Variants in IFT172 observed in about 807,000 individuals in gnomAD.
The protein encoded by IFT172 is intraflagellar transport protein 172 homolog.
In IFT172, 164 loss-of-function variants were observed where a neutral mutation model predicts 248.9. That is an observed-to-expected ratio of 0.66 (90% CI 0.58 to 0.75). IFT172 has a LOEUF of 0.75. Ranked by LOEUF, IFT172 falls within the 30% of genes least tolerant of loss-of-function variation. The probability of loss-of-function intolerance (pLI) is 0.00; values close to 1 mark genes in which losing one functional copy is unlikely to be tolerated. For synonymous variants in IFT172, 729 were observed against 791.6 expected, an observed-to-expected ratio of 0.92 and a Z score of 1.33; for missense variants, 1,950 against 2,192.4, an observed-to-expected ratio of 0.89 and a Z score of 2.21.
At position 27,484,409 on chromosome 2, in the gene IFT172, G is replaced by A. The variant is rs1668599482; in HGVS notation, c.297-143C>T. 3 of 734,694 alleles carry A rather than the reference G, an allele frequency of 4.1e-6. No homozygotes were observed. The South Asian group carries it at 4.7e-5, about 12-fold the overall frequency. 45.5% of individuals were successfully genotyped at this position (734,694 alleles called of 1,614,324 possible). ...GATCGAGACCATCCTGGCTAACACA[G>A]TGAAACCCCGTCTCTACTAAAAATA... On this transcript the variant is annotated intron_variant, in intron 3 of 47. Coordinates refer to ENST00000260570, the MANE Select transcript of IFT172 (RefSeq NM_015662.3).
rs371208266 is a variant in IFT172, at chr2:27,453,969, T to A, written c.3711+13A>T. On this transcript the variant is annotated intron_variant, in intron 33 of 47. Coordinates refer to ENST00000260570, the MANE Select transcript of IFT172 (RefSeq NM_015662.3). Reference sequence around the variant, plus strand: ...CTCCCCCTCCCCTCATGGCCCTGCATCCAGTGCCCCACCTTATAATAATTG... The same window carrying A: ...CTCCCCCTCCCCTCATGGCCCTGCAACCAGTGCCCCACCTTATAATAATTG... The A allele has an allele frequency of 7.2e-4, 1,152 of 1,606,254 alleles. 1 individual carries two copies. Among genetic ancestry groups the A allele is most frequent in the Non-Finnish European group, 9.3e-4 (1,100 of 1,178,056 alleles).
rs772733815 is a variant in IFT172, at chr2:27,456,633, C to A, written c.3249G>T (p.Gly1083=). The change falls in exon 30 of 48, where the codon GGG becomes GGT. Residue 1083 remains glycine, a synonymous_variant. Coordinates refer to ENST00000260570, the MANE Select transcript of IFT172 (RefSeq NM_015662.3). The part of the protein sequence containing the change: ...EAYRVARTQG[G]ANAHKHVAYL... ...AGGCCACGTGTTTGTGGGCATTAGC[C>A]CCTCCTTGAGTTCTGGCCACCTGTA... 2 of 1,613,886 alleles carry A rather than the reference C, an allele frequency of 1.2e-6. No individual in the cohort carries two copies. Among genetic ancestry groups the A allele is most frequent in the East Asian group, 2.2e-5 (1 of 44,890 alleles).
At chr2:27,448,885 A>G (rs370036494) in intron 40 of IFT172, 30 bp downstream of exon 40, 209 of 1,046,520 alleles carry the variant, frequency 2.0e-4, no homozygotes, top group Non-Finnish European at 2.8e-4. Flanking sequence ...TTTCTTGTGG[A>G]AACATTCAAC....
chr2:27,452,075 T>C (rs1465061159), intron 35 of IFT172, among the ~76,000 whole-genome samples: 1 of 152,118 alleles, frequency 6.6e-6, no homozygotes, highest in Non-Finnish European at 1.5e-5. Flanking sequence ...AACATTATTC[T>C]GGGTGTTTCT....
chr2:27,468,621 G>A (rs1240314412), intron 16 of IFT172, among the ~76,000 whole-genome samples: 1 of 151,612 alleles, frequency 6.6e-6, no homozygotes, highest in East Asian at 2.0e-4. Flanking sequence ...ATGCTGAGGC[G>A]GGCAGATCAC....
chr2:27,464,048 T>C (rs940099027), intron 18 of IFT172, among the ~76,000 whole-genome samples: 5 of 152,182 alleles, frequency 3.3e-5, no homozygotes, highest in African/African-American at 7.2e-5. Flanking sequence ...GATGAATAGA[T>C]GGTAGGGGTA....
rs764523112 is a variant in IFT172, at chr2:27,456,520, G to A, written c.3362C>T (p.Ala1121Val). ...GLLEAAVDHA[A>V]DNCSFEFAFE... Reference sequence around the variant, plus strand: ...AAGCTTGGGGCCTCACCAATTGTCTGCAGCGTGGTCAACAGCAGCTTCCAG... The same window carrying A: ...AAGCTTGGGGCCTCACCAATTGTCTACAGCGTGGTCAACAGCAGCTTCCAG... Residue 1121 changes from alanine to valine, a missense_variant, in exon 30 of 48, where the codon GCA becomes GTA. Ala to Val is a moderately conservative substitution (Grantham distance 64, BLOSUM62 0). This residue lies in a region of IFT172 where 164 missense variants were observed against 239.3 expected (regional missense o/e 0.69). Coordinates refer to ENST00000260570, the MANE Select transcript of IFT172 (RefSeq NM_015662.3). 3 of 1,613,304 alleles carry A rather than the reference G, an allele frequency of 1.9e-6. No homozygotes were observed. The highest frequency in any genetic ancestry group is 2.7e-5 in the African/African-American group (2 of 74,904).
chr2:27,445,427 C>G lies in IFT172; in HGVS notation c.4937G>C (p.Arg1646Pro). The G allele has an allele frequency of 6.2e-6, 10 of 1,611,522 alleles. No individual in the cohort carries two copies. The highest frequency in any genetic ancestry group is 8.5e-6 in the Non-Finnish European group (10 of 1,178,998). Residue 1646 changes from arginine to proline, a missense_variant, in exon 46 of 48, where the codon CGA (arginine) becomes CCA (proline). Arg to Pro is a moderately radical substitution (Grantham distance 103). Transcript: ENST00000260570. This position sits in a 1 kb window ranked among gnomAD's most constrained non-coding sequence, Gnocchi z 4.4. ...HVPEAEREEVRDWVLTVSMDQ... is the reference protein window; with the variant it reads ...HVPEAEREEVPDWVLTVSMDQ... Reference sequence around the variant, plus strand: ...CATGGAGACTGTAAGCACCCAGTCTCGAACCTCTTCTCTCTCAGCCTCCTG... The same window carrying G: ...CATGGAGACTGTAAGCACCCAGTCTGGAACCTCTTCTCTCTCAGCCTCCTG...
rs1667069283 is a variant in IFT172 at position 27,466,027 on chromosome 2, C to T, written c.1693-145G>A. ...ATTTTCCTAACATTTTAGTTTCTCT[C>T]AAGCATAAAAAAATACTTCATTTAT... On this transcript the variant is annotated intron_variant, in intron 16 of 47. Coordinates refer to ENST00000260570, the MANE Select transcript of IFT172 (RefSeq NM_015662.3). 3 of 911,202 alleles carry T rather than the reference C, an allele frequency of 3.3e-6. No homozygotes were observed. The South Asian group carries it at 4.8e-5, about 15-fold the overall frequency. 56.4% of individuals were successfully genotyped at this position (911,202 alleles called of 1,614,324 possible).
chr2:27,465,957 C>T (rs556262025), intron 16 of IFT172, 75 bp from the exon 17 acceptor site: 44 of 1,546,310 alleles, frequency 2.8e-5, no homozygotes, highest in Non-Finnish European at 3.9e-5. Flanking sequence ...AAAGACCCAC[C>T]CTCATCCGAC....
chr2:27,455,786 C>A, intron 30 of IFT172: 1 of 477,838 alleles, frequency 2.1e-6, no homozygotes, highest in Non-Finnish European at 4.0e-6. Flanking sequence ...GTACTGACAA[C>A]CTCAGTTGGC....
Position 27,454,508 on chromosome 2 carries a change from A to G in IFT172, c.3465+59T>C. 3 of 1,605,644 alleles carry G rather than the reference A, an allele frequency of 1.9e-6. No individual in the cohort carries two copies. In the South Asian group the frequency reaches 3.3e-5, roughly 18 times the overall value. ...ACTGGGGGTCTGCACACCCAGCAGC[A>G]GTGCACTAGGGGATGGAATAAGAGG... On this transcript the variant is annotated intron_variant, in intron 31 of 47. Transcript: ENST00000260570. This position sits in a 1 kb window ranked among gnomAD's most constrained non-coding sequence, Gnocchi z 4.2.
chr2:27,454,441 G>A lies in IFT172; in HGVS notation c.3466-23C>T, dbSNP rs370360987. 61 of 1,614,126 alleles carry A rather than the reference G, an allele frequency of 3.8e-5. No individual in the cohort carries two copies. Among genetic ancestry groups the A allele is most frequent in the East Asian group, 1.8e-4 (8 of 44,880 alleles). ...ACCCTACAGGGAGAGAAAGGCAGCC[G>A]TGCATGATGAGAAGGAGACTGGCAT... On this transcript the variant is annotated intron_variant, in intron 31 of 47. Transcript: ENST00000260570. The surrounding 1 kb of genome is among the most constrained non-coding windows in gnomAD (Gnocchi z 4.2).
At chr2:27,446,023 A>G in intron 43 of IFT172, 35 bp from the exon 44 acceptor site, 1 of 1,613,156 alleles carries the variant, frequency 6.2e-7, no homozygotes, top group African/African-American at 1.3e-5. Context: ...GGGAGTGAAC[A>G]AGCTGGGTTT....
At chr2:27,476,848 G>A (rs1433045222) in intron 13 of IFT172, 122 bp from the exon 14 acceptor site, 1 of 653,096 alleles carries the variant, frequency 1.5e-6, no homozygotes, top group Non-Finnish European at 2.7e-6. Context: ...TTGAGACAGG[G>A]TCTCACTCTG....
At chr2:27,483,842 C>A (rs749845671) in intron 5 of IFT172, 30 bp downstream of exon 5, 2 of 1,569,168 alleles carry the variant, frequency 1.3e-6, no homozygotes, top group African/African-American at 2.7e-5. Context: ...CCTACCACCC[C>A]CTCTCTTGTG....
chr2:27,447,638 G>A lies in IFT172; in HGVS notation c.4540-4C>T. ...TGGACTTCACCAGGTTTTCACACTA[G>A]AGGAGGGAGACAGCACAGCCTGGCT... On this transcript the variant is annotated splice_polypyrimidine_tract_variant and splice_region_variant and intron_variant, in intron 41 of 47. Coordinates refer to ENST00000260570, the MANE Select transcript of IFT172 (RefSeq NM_015662.3). 6.2e-7 allele frequency: 1 copy of A among 1,614,122 alleles called. No individual in the cohort carries two copies. Among genetic ancestry groups the A allele is most frequent in the African/African-American group, 1.3e-5 (1 of 75,060 alleles).
At chr2:27,470,273 A>AG (rs1667456913) in intron 16 of IFT172, among the ~76,000 whole-genome samples, 1 of 60,090 alleles carries the variant, frequency 1.7e-5, no homozygotes, top group South Asian at 6.1e-4. Context: ...AGAGAGAGAA[A>AG]AAAAAAAGAG....
At chr2:27,449,414 A>G in intron 38 of IFT172, 34 bp from the exon 39 acceptor site, 2 of 1,614,140 alleles carry the variant, frequency 1.2e-6, no homozygotes, top group African/African-American at 1.3e-5. Context: ...ACAAGAGAAA[A>G]GAGATGACAT....
Sources: allele counts gnomAD v4.1 joint callset (sites outside exome capture counted in the v4.1 genomes callset), GRCh38; gene constraint gnomAD v4.1.1; regional missense constraint gnomAD v4.1.1; non-coding constraint Gnocchi (gnomAD v3.1); transcripts MANE v1.5; gene names NCBI Gene and HGNC (gene_info 2026-07-23, HGNC 2026-07-21).